Variants in TMPRSS9 observed in about 807,000 individuals in gnomAD.
TMPRSS9 encodes the protein transmembrane protease serine 9.
TMPRSS9 carries 113 observed loss-of-function variants against 111.4 expected under a neutral mutation model. The observed-to-expected ratio is 1.01, with a 90% confidence interval of 0.87 to 1.19. The LOEUF (loss-of-function observed/expected upper bound fraction) is 1.19. Among genes scored for constraint, TMPRSS9 ranks in the 50% most tolerant of loss-of-function variants. TMPRSS9 has a pLI of 0.00. For missense variants in TMPRSS9, 1,803 were observed against 1,513.1 expected (o/e 1.19, Z -3.18); for synonymous variants, 805 against 659.1 (o/e 1.22, Z -3.39).
intron 6 of TMPRSS9, 29 bp from the exon 8 acceptor site, chr19:2,405,345 G>C: frequency 6.4e-7 from 1 of 1,572,032 alleles, no homozygotes; most frequent in Non-Finnish European, 8.6e-7. Context: ...CCTTCGTGGG[G>C]TCATGGCTGG....
intron 17 of TMPRSS9, 41 bp downstream of exon 18, chr19:2,425,534 C>T: frequency 6.7e-7 from 1 of 1,493,746 alleles, no homozygotes; most frequent in Non-Finnish European, 8.9e-7. Context: ...TCCCGCCCAG[C>T]CGCCGGGGAG....
At chr19:2,421,750 G>T (rs1415518211) in intron 13 of TMPRSS9, 104 bp from the exon 15 acceptor site, 5 of 1,295,062 alleles carry the variant, frequency 3.9e-6, no homozygotes, top group Non-Finnish European at 5.3e-6. Flanking sequence ...TCTGCCCCCC[G>T]CCCTCGATGG....
chr19:2,364,537 G>A (rs1037539079), intron 1 of TMPRSS9, among the ~76,000 whole-genome samples: 3 of 151,462 alleles, frequency 2.0e-5, no homozygotes, highest in Non-Finnish European at 2.9e-5. Flanking sequence ...CGGGAGCCAC[G>A]GCACCCAGCC....
At chr19:2,387,328 C>A (rs528620487), upstream of TMPRSS9, among the ~76,000 whole-genome samples, 2 of 152,186 alleles carry the variant, frequency 1.3e-5, no homozygotes, top group African/African-American at 2.4e-5. Flanking sequence ...AACCCCCTCT[C>A]TACTAAAAAT....
At chr19:2,400,890 C>T (rs989786893) in intron 4 of TMPRSS9, among the ~76,000 whole-genome samples, 4 of 146,426 alleles carry the variant, frequency 2.7e-5, no homozygotes, top group South Asian at 2.1e-4. Context: ...AGGAGAATTG[C>T]TTAAACCTGG....
rs77250731 is a variant in TMPRSS9 at position 2,409,907 on chromosome 19, T to C, written c.1118-351T>C. 1.5e-3 allele frequency among the ~76,000 whole-genome samples: 227 copies of C among 151,934 alleles called. 2 individuals are homozygous for C. The highest frequency in any genetic ancestry group is 5.2e-3 in the African/African-American group (217 of 41,414). The stretch of plus-strand genomic sequence containing the variant: ...GTGAGACAGGGGCTGATTCTGTGTA[T>C]ATTTGGGGGCTGACCTGAGGCCAAC... On this transcript the variant is annotated intron_variant, in intron 8 of 17. Coordinates refer to ENST00000648592, the Ensembl canonical transcript of TMPRSS9.
Position 2,381,839 on chromosome 19 carries a change from C to T in TMPRSS9, c.-25-7922C>T, listed in dbSNP as rs62120685. ...TCAGATATGTATTCATTCATTCATT[C>T]ATTCATTCATTCATTTATTTTGAGA... On this transcript the variant is annotated intron_variant, in intron 1 of 17. Transcript: ENST00000649857. Among the ~76,000 whole-genome samples, 19 of 151,710 alleles carry T rather than the reference C, an allele frequency of 1.3e-4. No individual in the cohort carries two copies. The East Asian group carries it at 2.9e-3, about 23-fold the overall frequency.
rs1445768519 is a variant in TMPRSS9 at position 2,363,813 on chromosome 19, C to CGCGCGT, written c.-26+3454_-26+3455insCGCGTG. Among the ~76,000 whole-genome samples, 5 of 112,862 alleles carry CGCGCGT rather than the reference C, an allele frequency of 4.4e-5. No homozygotes were observed. The East Asian group carries it at 7.8e-4, about 18-fold the overall frequency. The allele number at this position is 112,862 out of a possible 152,430, so 74.0% of individuals were successfully genotyped here. ...GAGTGTGTGTGTGTGTGCGTGCGCG[C>CGCGCGT]GTGTGTGTGTGAGAGAGAGAGAGAG... On this transcript the variant is annotated intron_variant, in intron 1 of 17. Transcript: ENST00000649857.
chr19:2,426,020 C>T, exon 18 of TMPRSS9: 3 of 1,608,048 alleles, frequency 1.9e-6, no homozygotes, highest in Non-Finnish European at 2.5e-6. Flanking sequence ...TGGCCGGCCC[C>T]ACTTCCCAGG....
upstream of TMPRSS9, among the ~76,000 whole-genome samples, chr19:2,386,274 G>A (rs1220155677): frequency 1.3e-5 from 2 of 152,164 alleles, no homozygotes; most frequent in East Asian, 3.8e-4. Flanking sequence ...GGGAGGCTGA[G>A]GTGGGCAGAT....
At chr19:2,382,178 T>A (rs2033256) in intron 1 of TMPRSS9, among the ~76,000 whole-genome samples, 68,759 of 151,858 alleles carry the variant, frequency 0.45, 16,367 homozygotes, top group East Asian at 0.6. Context: ...TTCTTTTTTT[T>A]AAACAGGGTC....
intron 1 of TMPRSS9, among the ~76,000 whole-genome samples, chr19:2,368,562 C>CG: frequency 6.6e-6 from 1 of 152,014 alleles, no homozygotes; most frequent in Middle Eastern, 3.4e-3. Context: ...TCACCTGACG[C>CG]GGGTCTTAGC....
At position 2,425,388 on chromosome 19, in the gene TMPRSS9, C is replaced by T. The variant is rs750855028; in HGVS notation, c.3015C>T (p.Ala1005=). 1.9e-5 allele frequency: 30 copies of T among 1,551,174 alleles called. No individual in the cohort carries two copies. In the African/African-American group the frequency reaches 3.9e-4, roughly 20 times the overall value. ...TGGCGCGGCAGCTGCAGAAGGCGGC[C>T]GTGCGCCTCCTCAGCGAGCAGACCT... Residue 1005 remains alanine, a synonymous_variant, in exon 17 of 18, where the codon GCC becomes GCT. Coordinates refer to ENST00000648592, the Ensembl canonical transcript of TMPRSS9.
intron 1 of TMPRSS9, among the ~76,000 whole-genome samples, chr19:2,383,436 G>T (rs1223650366): frequency 6.6e-6 from 1 of 151,416 alleles, no homozygotes; most frequent in Non-Finnish European, 1.5e-5. Context: ...AAGATGGCTT[G>T]AAGCCAGTAG....
chr19:2,384,586 C>T (rs1003534625), intron 1 of TMPRSS9, among the ~76,000 whole-genome samples: 4 of 151,788 alleles, frequency 2.6e-5, no homozygotes, highest in Non-Finnish European at 4.4e-5. Context: ...GAGGCCAAGG[C>T]GGGAGGATCA....
At chr19:2,426,230 T>C in exon 18 of TMPRSS9, 1 of 927,166 alleles carries the variant, frequency 1.1e-6, no homozygotes, top group South Asian at 1.8e-5. Context: ...GGTACCACCC[T>C]TTGTTCCAAT....
intron 2 of TMPRSS9, 48 bp from the exon 4 acceptor site, chr19:2,398,747 T>A: frequency 3.8e-6 from 5 of 1,322,076 alleles, no homozygotes; most frequent in Non-Finnish European, 5.0e-6. Context: ...AGTGCCAGGG[T>A]GCCCATGCTG....
intron 11 of TMPRSS9, chr19:2,416,236 T>C (rs1971227516): frequency 2.2e-6 from 1 of 445,800 alleles, no homozygotes; most frequent in Non-Finnish European, 4.0e-6. Context: ...AGACCCTGTC[T>C]CAACAAAAAA....
rs1201675451 is a variant in TMPRSS9 at position 2,413,997 on chromosome 19, G to A, written c.1552G>A (p.Val518Ile). ...CCTCAGTACCGTGCCTCTTGACTGG[G>A]TCACCGTTCCTAAGCTACAAGGTAT... Residue 518 changes from valine (V) to isoleucine (I), a missense_variant, in exon 10 of 18, where the codon GTC becomes ATC. Val to Ile is a conservative substitution (Grantham distance 29). Transcript: ENST00000648592. 1.9e-6 allele frequency: 3 copies of A among 1,598,728 alleles called. No homozygotes were observed. The highest frequency in any genetic ancestry group is 2.6e-6 in the Non-Finnish European group (3 of 1,171,716).
Sources: allele counts gnomAD v4.1 joint callset (sites outside exome capture counted in the v4.1 genomes callset), GRCh38; gene constraint gnomAD v4.1.1; transcripts MANE v1.5; gene names NCBI Gene and HGNC (gene_info 2026-07-23, HGNC 2026-07-21).